Variants in SFI1 observed in about 807,000 individuals in gnomAD.
The protein encoded by SFI1 is protein SFI1 homolog.
In SFI1, 195 loss-of-function variants were observed where a neutral mutation model predicts 207.5. The observed-to-expected ratio is 0.94, with a 90% CI of 0.84 to 1.06. The LOEUF (loss-of-function observed/expected upper bound fraction) is 1.06, where lower values mean the gene tolerates loss of function less well. SFI1 is among the 50% of genes least tolerant of loss of function. SFI1 has a pLI of 0.00. For missense variants in SFI1, 1,634 were observed against 1,588.0 expected, an observed-to-expected ratio of 1.03 and a Z score of -0.49; for synonymous variants, 630 against 598.9, an observed-to-expected ratio of 1.05 and a Z score of -0.76.
chr22:31,575,327 A>G lies in SFI1; in HGVS notation c.1019A>G (p.His340Arg). Residue 340 changes from histidine to arginine, a missense_variant, in exon 10 of 33, where the codon CAT becomes CGT. Coordinates refer to ENST00000400288, the MANE Select transcript of SFI1 (RefSeq NM_001007467.3). ...CGGAGGGAGAGCTTGTACGCTCACC[A>G]TGCCCAGGTGGAGAAACTGGCCAGG... ...WERRESLYAH[H>R]AQVEKLARKM... 2 of 1,613,400 alleles carry G rather than the reference A, an allele frequency of 1.2e-6. No homozygotes were observed. Among genetic ancestry groups the G allele is most frequent in the East Asian group, 4.5e-5 (2 of 44,846 alleles).
In SFI1 at chr22:31,564,838, G is replaced by C. The variant is rs1223617401; in HGVS notation, c.765+3446G>C. 6.4e-5 allele frequency among the ~76,000 whole-genome samples: 4 copies of C among 62,862 alleles called. No individual in the cohort carries two copies. The East Asian group carries it at 2.5e-3, about 39-fold the overall frequency. 41.2% of individuals were successfully genotyped at this position (62,862 alleles called of 152,430 possible). ...AATTTTTTTTTTTTTTTTTGAGACG[G>C]AGTCTTGCTCTGTCGCCCAGGCTGG... is the stretch of plus-strand genomic sequence containing the variant. On this transcript the variant is annotated intron_variant, in intron 8 of 32. Transcript: ENST00000400288.
rs552798784 is a variant in SFI1 at position 31,602,619 on chromosome 22, G to T, written c.1639G>T (p.Ala547Ser). The change falls in exon 17 of 33, where the codon GCA (alanine) becomes TCA (serine). Residue 547 changes from alanine to serine, a missense_variant. Ala to Ser is a moderately conservative substitution (Grantham distance 99, BLOSUM62 1). Coordinates refer to ENST00000400288, the MANE Select transcript of SFI1 (RefSeq NM_001007467.3). The part of the protein sequence containing the change: ...RLAERMAILH[A>S]ERQLLYRSWF... ...TGTCCTGCCTCAGGCCATCCTTCAC[G>T]CAGAGCGACAGCTTCTGTATAGGTC... is the stretch of plus-strand genomic sequence containing the variant. 4 of 1,613,916 alleles carry T rather than the reference G, an allele frequency of 2.5e-6. No homozygotes were observed. The highest frequency in any genetic ancestry group is 3.4e-6 in the Non-Finnish European group (4 of 1,180,032).
rs577223775 is a variant in SFI1 at position 31,527,889 on chromosome 22, G to A, written c.93-801G>A. 3.3e-5 allele frequency among the ~76,000 whole-genome samples: 5 copies of A among 152,254 alleles called. No individual in the cohort carries two copies. The South Asian group carries it at 1.0e-3, about 32-fold the overall frequency. On this transcript the variant is annotated intron_variant, in intron 2 of 32. Transcript: ENST00000400288. Reference sequence around the variant, plus strand: ...AGCACTTTGGGAGGCCGAGGTGGGTGGATAACCTGAGGTCAGGAGTTCAAG... The same window carrying A: ...AGCACTTTGGGAGGCCGAGGTGGGTAGATAACCTGAGGTCAGGAGTTCAAG...
In SFI1 at chr22:31,612,397, AAATATAT is replaced by A. The variant is rs1231006843; in HGVS notation, c.2490+559_2490+565del. ...TCTGTCTAAAAAAAAAAAAAAAAAA[AAATATAT>A]ATATATATATATATATATATATAAT... On this transcript the variant is annotated intron_variant, in intron 24 of 32. Transcript: ENST00000400288. 4.2e-3 allele frequency: 410 copies of A among 98,132 alleles called. 1 individual carries two copies. Among genetic ancestry groups the A allele is most frequent in the African/African-American group, 0.011 (264 of 25,032 alleles). 6.1% of individuals were successfully genotyped at this position (98,132 alleles called of 1,614,324 possible).
chr22:31,607,769 C>A, intron 21 of SFI1, 168 bp from the exon 22 acceptor site: 1 of 552,436 alleles, frequency 1.8e-6, no homozygotes, highest in Non-Finnish European at 3.3e-6. Flanking sequence ...GGGCCCTGTC[C>A]TATTGCTCAG....
intron 2 of SFI1, among the ~76,000 whole-genome samples, chr22:31,518,750 T>A (rs2056847291): frequency 6.6e-6 from 1 of 152,204 alleles, no homozygotes; most frequent in Non-Finnish European, 1.5e-5. Context: ...CACTGTTGTG[T>A]GTTCATGCAA....
At position 31,603,742 on chromosome 22, in the gene SFI1, A is replaced by G. The variant is rs2068504122; in HGVS notation, c.1806-2A>G. On this transcript the variant is annotated splice_acceptor_variant, in intron 17 of 32. Transcript: ENST00000400288. LOFTEE classifies it high-confidence loss of function. ...GCACTGAGCTCTGCCATCTCCCCACAGGAGGACGGGCAGGGTGCGGGCAGC... is the reference window on the plus strand; with the variant it reads ...GCACTGAGCTCTGCCATCTCCCCACGGGAGGACGGGCAGGGTGCGGGCAGC... 7.2e-6 allele frequency: 11 copies of G among 1,535,720 alleles called. No individual in the cohort carries two copies. The highest frequency in any genetic ancestry group is 9.5e-6 in the Non-Finnish European group (11 of 1,154,510).
At chr22:31,542,675 T>C (rs2059670281) in intron 4 of SFI1, among the ~76,000 whole-genome samples, 1 of 151,810 alleles carries the variant, frequency 6.6e-6, no homozygotes, top group African/African-American at 2.4e-5. Context: ...ATTTATTCAT[T>C]CTTTGAGACA....
chr22:31,502,871 T>G (rs903088502), intron 1 of SFI1, among the ~76,000 whole-genome samples: 19 of 151,908 alleles, frequency 1.3e-4, no homozygotes, highest in Admixed American at 1.1e-3. Flanking sequence ...CCCAGCACTT[T>G]GGGAGGCTGA....
chr22:31,540,252 TA>T (rs1348997760), intron 4 of SFI1, among the ~76,000 whole-genome samples: 1 of 148,114 alleles, frequency 6.8e-6, no homozygotes, highest in African/African-American at 2.5e-5. Context: ...TATTTATTTA[TA>T]TTTTATTTTA....
chr22:31,611,750 A>C lies in SFI1; in HGVS notation c.2416-16A>C. 6.2e-7 allele frequency: 1 copy of C among 1,611,562 alleles called. No individual in the cohort carries two copies. Among genetic ancestry groups the C allele is most frequent in the East Asian group, 2.2e-5 (1 of 44,870 alleles). ...TGGGTCAGGACGCCACTCTCTGTGCACTTGCTCTCCCCCAGCTCCTGCACA... is the reference window on the plus strand; with the variant it reads ...TGGGTCAGGACGCCACTCTCTGTGCCCTTGCTCTCCCCCAGCTCCTGCACA... On this transcript the variant is annotated splice_polypyrimidine_tract_variant and intron_variant, in intron 23 of 32. Transcript: ENST00000400288.
chr22:31,612,398 A>AAAAAATAT (rs1556369798), intron 24 of SFI1: 4 of 60,202 alleles, frequency 6.6e-5, no homozygotes, highest in African/African-American at 2.7e-4. Flanking sequence ...AAAAAAAAAA[A>AAAAAATAT]ATATATATAT....
At chr22:31,589,659 T>TGG in intron 15 of SFI1, 82 bp downstream of exon 15, 1 of 1,464,520 alleles carries the variant, frequency 6.8e-7, no homozygotes, top group Non-Finnish European at 9.1e-7. Context: ...TTGCTGTGCT[T>TGG]TTCAGCTTCC....
Position 31,602,263 on chromosome 22 carries a change from G to A in SFI1, c.1596G>A (p.Gln532=), listed in dbSNP as rs372191239. ...VFSLWRQKMF[Q]HRENRLAERM... ...CTCTCTGGAGGCAGAAGATGTTTCA[G>A]CATCGAGAAAACCGCCTGGCAGAGA... The change falls in exon 16 of 33, where the codon CAG becomes CAA. Residue 532 remains glutamine (Q), a synonymous_variant. Transcript: ENST00000400288. 21 of 1,614,004 alleles carry A rather than the reference G, an allele frequency of 1.3e-5. No homozygotes were observed. Among genetic ancestry groups the A allele is most frequent in the African/African-American group, 4.0e-5 (3 of 74,932 alleles).
intron 8 of SFI1, among the ~76,000 whole-genome samples, chr22:31,564,326 C>CA (rs1203864757): frequency 0.011 from 697 of 63,308 alleles, 9 homozygotes; most frequent in African/African-American, 0.033. Flanking sequence ...GACTCCATCT[C>CA]AAAAAAAAAA....
intron 7 of SFI1, chr22:31,560,029 TTGATGCTGGGG>T: frequency 3.5e-6 from 1 of 289,616 alleles, no homozygotes; most frequent in Non-Finnish European, 6.7e-6. Context: ...TGGTACTGTA[TTGATGCTGGGG>T]CTGTATTCAG....
intron 12 of SFI1, among the ~76,000 whole-genome samples, chr22:31,582,222 A>G (rs8142228): frequency 0.1 from 3,282 of 31,468 alleles, 278 homozygotes; most frequent in Non-Finnish European, 0.13. Context: ...ATATATATAT[A>G]TATATATATA....
chr22:31,529,474 T>C (rs1172497515), intron 3 of SFI1, among the ~76,000 whole-genome samples: 2 of 152,096 alleles, frequency 1.3e-5, no homozygotes, highest in African/African-American at 2.4e-5. Context: ...TGCAGTGAGC[T>C]GAAATTGCTC....
chr22:31,513,873 C>T (rs1176776869), intron 2 of SFI1, among the ~76,000 whole-genome samples: 2 of 151,602 alleles, frequency 1.3e-5, no homozygotes, highest in African/African-American at 2.4e-5. Context: ...GCCACTGGCC[C>T]GGCCAATCCC....
Sources: allele counts gnomAD v4.1 joint callset (sites outside exome capture counted in the v4.1 genomes callset), GRCh38; gene constraint gnomAD v4.1.1; transcripts MANE v1.5; gene names NCBI Gene and HGNC (gene_info 2026-07-23, HGNC 2026-07-21).